CD6: variants seen among roughly 807,000 people sequenced by gnomAD.
CD6 encodes T-cell differentiation antigen CD6.
In CD6, 53 loss-of-function variants were observed where a neutral mutation model predicts 75.3. The ratio of observed to expected loss-of-function variants is 0.70; its 90% CI spans 0.56 to 0.88. CD6 has a LOEUF of 0.88. Among genes scored for constraint, CD6 ranks in the 40% least tolerant of loss-of-function variants. The pLI, the probability that CD6 is intolerant of heterozygous loss-of-function variation, is 0.00. For missense variants in CD6, 770 were observed against 897.1 expected (o/e 0.86, Z 1.81); for synonymous variants, 359 against 381.5 (o/e 0.94, Z 0.69).
intron 1 of CD6, among the ~76,000 whole-genome samples, chr11:60,986,444 C>G (rs1198722623): frequency 6.6e-6 from 1 of 152,214 alleles, no homozygotes; most frequent in Non-Finnish European, 1.5e-5. Context: ...TCCCAAAGCT[C>G]TCTGAGGTAA....
At chr11:60,986,956 C>A (rs1231196453) in intron 1 of CD6, among the ~76,000 whole-genome samples, 1 of 152,084 alleles carries the variant, frequency 6.6e-6, no homozygotes, top group Non-Finnish European at 1.5e-5. Flanking sequence ...GGTGAAACCC[C>A]GTCTCTACTA....
rs569827236 is a variant in CD6, at chr11:61,003,165, A to G, written c.50-3409A>G. Among the ~76,000 whole-genome samples the G allele has an allele frequency of 2.0e-5, 3 of 152,060 alleles. No individual in the cohort carries two copies. In the South Asian group the frequency reaches 6.2e-4, roughly 32 times the overall value. Reference sequence around the variant, plus strand: ...TTTGTAGTAGAGACAGGGTTTCACCATGTTGGCCAGGCTGGTCTCGGACTC... The same window carrying G: ...TTTGTAGTAGAGACAGGGTTTCACCGTGTTGGCCAGGCTGGTCTCGGACTC... On this transcript the variant is annotated intron_variant, in intron 1 of 12. Transcript: ENST00000313421.
chr11:61,000,458 G>A (rs978092844), intron 1 of CD6, among the ~76,000 whole-genome samples: 2 of 152,004 alleles, frequency 1.3e-5, no homozygotes, highest in African/African-American at 4.8e-5. Flanking sequence ...TCCACTCAAC[G>A]AGCATTCAGG....
At chr11:60,994,377 G>A (rs958197929) in intron 1 of CD6, among the ~76,000 whole-genome samples, 12 of 143,386 alleles carry the variant, frequency 8.4e-5, no homozygotes, top group African/African-American at 2.6e-4. Flanking sequence ...GGAGGCGGAG[G>A]TTGCAGTAAG....
chr11:60,982,608 C>T (rs1200972084), intron 1 of CD6: 2 of 455,972 alleles, frequency 4.4e-6, no homozygotes, highest in African/African-American at 4.0e-5. Context: ...TCCCTCCCTC[C>T]TTCAACCAAA....
chr11:60,988,522 T>C (rs140792645), intron 1 of CD6, among the ~76,000 whole-genome samples: 24 of 152,226 alleles, frequency 1.6e-4, no homozygotes, highest in African/African-American at 5.8e-4. Flanking sequence ...TGTTAGGACA[T>C]GGATGGGCAC....
At chr11:60,990,017 T>C (rs993234561) in intron 1 of CD6, among the ~76,000 whole-genome samples, 2 of 152,174 alleles carry the variant, frequency 1.3e-5, no homozygotes, top group Non-Finnish European at 2.9e-5. Context: ...TTTTTGTTTT[T>C]ATTTTGTTTT....
chr11:61,015,045 A>G (rs1459481374), intron 8 of CD6, among the ~76,000 whole-genome samples: 1 of 152,246 alleles, frequency 6.6e-6, no homozygotes, highest in African/African-American at 2.4e-5. Context: ...GCTCTGGGCC[A>G]GGTAAGAACC....
At chr11:60,998,138 G>A (rs1327209640) in intron 1 of CD6, among the ~76,000 whole-genome samples, 1 of 152,198 alleles carries the variant, frequency 6.6e-6, no homozygotes, top group Non-Finnish European at 1.5e-5. Flanking sequence ...GACTGTCCAG[G>A]TTCAAATTTT....
intron 1 of CD6, among the ~76,000 whole-genome samples, chr11:60,977,488 G>A (rs937495212): frequency 2.0e-5 from 3 of 152,128 alleles, no homozygotes; most frequent in African/African-American, 7.2e-5. Flanking sequence ...TCCTGTCCTC[G>A]GCACTGGCCC....
chr11:61,007,198 C>G lies in CD6; in HGVS notation c.119-362C>G, dbSNP rs2135158422. Among the ~76,000 whole-genome samples, 1 of 152,190 alleles carries G rather than the reference C, an allele frequency of 6.6e-6. No individual in the cohort carries two copies. Among genetic ancestry groups the G allele is most frequent in the African/African-American group, 2.4e-5 (1 of 41,522 alleles). On this transcript the variant is annotated intron_variant, in intron 2 of 12. Coordinates refer to ENST00000313421, the MANE Select transcript of CD6 (RefSeq NM_006725.5). The surrounding 1 kb of genome is among the most constrained non-coding windows in gnomAD (Gnocchi z 4.2). ...GAGGGGCCTTCAGGGGAAGCATGCG[C>G]CCACTGGACCAGGGCCCCTGAACTC...
chr11:61,013,374 G>GGTGA (rs750690720), intron 6 of CD6, 49 bp from the exon 7 acceptor site: 8 of 1,605,076 alleles, frequency 5.0e-6, no homozygotes, highest in Non-Finnish European at 6.8e-6. Flanking sequence ...CAAGAAGAAG[G>GGTGA]GTGAGTGCCC....
chr11:60,995,394 C>T (rs1158730743), intron 1 of CD6, among the ~76,000 whole-genome samples: 1 of 152,194 alleles, frequency 6.6e-6, no homozygotes, highest in Non-Finnish European at 1.5e-5. Context: ...GTCCACCCAC[C>T]TCAGCCTCTC....
Position 61,007,900 on chromosome 11 carries a change from C to T in CD6, c.459C>T (p.Val153=). Residue 153 remains valine (V), a synonymous_variant, in exon 3 of 13, where the codon GTC becomes GTT. Transcript: ENST00000313421. This position sits in a 1 kb window ranked among gnomAD's most constrained non-coding sequence, Gnocchi z 4.2. The part of the protein sequence containing the change: ...ACRSDGRRAR[V]TCAENRALRL... ...GCAGCGACGGGAGGCGGGCCCGTGT[C>T]ACCTGTGCAGGTACGAGCGCACCCC... The T allele has an allele frequency of 7.3e-7, 1 of 1,363,184 alleles. No homozygotes were observed. Among genetic ancestry groups the T allele is most frequent in the Non-Finnish European group, 9.4e-7 (1 of 1,062,804 alleles). 84.4% of individuals were successfully genotyped at this position (1,363,184 alleles called of 1,614,324 possible). A position where few individuals can be genotyped will look rare whatever the true frequency, so the allele number is the denominator to read the frequency against.
In CD6 at chr11:61,019,287, A is replaced by C; in HGVS notation, c.1976A>C (p.Asn659Thr). Residue 659 changes from asparagine (N) to threonine (T), a missense_variant, in exon 13 of 13, where the codon AAC (asparagine) becomes ACC (threonine). Physicochemically the swap from Asn to Thr is moderately conservative, Grantham distance 65. Coordinates refer to ENST00000313421, the MANE Select transcript of CD6 (RefSeq NM_006725.5). ...AGCCCTCAGCCTGACTCCACCGACAACGATGACTACGATGACATCAGCGCA... is the reference window on the plus strand; with the variant it reads ...AGCCCTCAGCCTGACTCCACCGACACCGATGACTACGATGACATCAGCGCA... The part of the protein sequence containing the change: ...SPSPQPDSTD[N>T]DDYDDISAA 1.9e-6 allele frequency: 3 copies of C among 1,610,444 alleles called. No individual in the cohort carries two copies. The highest frequency in any genetic ancestry group is 2.5e-6 in the Non-Finnish European group (3 of 1,179,818).
At chr11:61,018,670 T>G in intron 12 of CD6, 3 of 423,178 alleles carry the variant, frequency 7.1e-6, no homozygotes, top group African/African-American at 2.6e-5. Context: ...AAAAACTAAA[T>G]ATTAGCCAAG....
At chr11:61,014,464 G>A (rs955488117) in intron 8 of CD6, among the ~76,000 whole-genome samples, 33 of 152,228 alleles carry the variant, frequency 2.2e-4, no homozygotes, top group African/African-American at 7.7e-4. Context: ...GCTGGGTACA[G>A]TGGCTCACGC....
At position 61,019,240 on chromosome 11, in the gene CD6, C is replaced by G. The variant is rs371220299; in HGVS notation, c.1943-14C>G. ...GACTGGGTCTCCCACTAATCTGGGC[C>G]TCTCTGCCCACAGGGTCCCCCAGCC... On this transcript the variant is annotated splice_polypyrimidine_tract_variant and intron_variant, in intron 12 of 12. Coordinates refer to ENST00000313421, the MANE Select transcript of CD6 (RefSeq NM_006725.5). 7.5e-6 allele frequency: 12 copies of G among 1,608,100 alleles called. No individual in the cohort carries two copies. Among genetic ancestry groups the G allele is most frequent in the Non-Finnish European group, 9.3e-6 (11 of 1,177,218 alleles).
intron 1 of CD6, among the ~76,000 whole-genome samples, chr11:60,977,245 C>T (rs1857397913): frequency 1.3e-5 from 2 of 152,154 alleles, no homozygotes. Flanking sequence ...CAGACTTCTC[C>T]CTGGGGCAAG....
Sources: allele counts gnomAD v4.1 joint callset (sites outside exome capture counted in the v4.1 genomes callset), GRCh38; gene constraint gnomAD v4.1.1; non-coding constraint Gnocchi (gnomAD v3.1); transcripts MANE v1.5; gene names NCBI Gene and HGNC (gene_info 2026-07-23, HGNC 2026-07-21).